Variants in STARD13 observed in about 807,000 individuals in gnomAD.
The protein encoded by STARD13 is StAR related lipid transfer domain containing 13.
Under a neutral mutation model 106.4 loss-of-function variants are expected in STARD13, and 62 were observed. That is an observed-to-expected ratio of 0.58 (90% CI 0.48 to 0.72). The LOEUF (loss-of-function observed/expected upper bound fraction) is 0.72, where lower values mean the gene tolerates loss of function less well. STARD13 is among the 30% of genes least tolerant of loss of function. The probability of loss-of-function intolerance (pLI) is 0.00; values close to 1 mark genes in which losing one functional copy is unlikely to be tolerated. For synonymous variants in STARD13, 565 were observed against 553.0 expected (o/e 1.02, Z -0.31); for missense variants, 1,387 against 1,424.0 (o/e 0.97, Z 0.42).
intron 1 of STARD13, among the ~76,000 whole-genome samples, chr13:33,189,000 T>C (rs1169447039): frequency 1.3e-5 from 2 of 152,218 alleles, no homozygotes; most frequent in Non-Finnish European, 2.9e-5. Flanking sequence ...TTATTGCTTA[T>C]TAGAGCAGAC....
Position 33,318,729 on chromosome 13 carries a change from CA to C in STARD13, c.124+31560del, listed in dbSNP as rs200287775. Among the ~76,000 whole-genome samples, 751 of 148,912 alleles carry C rather than the reference CA, an allele frequency of 5.0e-3. 7 individuals carry two copies. Among genetic ancestry groups the C allele is most frequent in the African/African-American group, 0.017 (702 of 40,564 alleles). ...CTCTTAAAAATCAATGATAAAAAGA[CA>C]AAAAAAAAGTAAGAATGGTCAGAGA... On this transcript the variant is annotated intron_variant, in intron 1 of 5. Transcript: ENST00000567873.
chr13:33,112,212 T>C (rs1228632976), intron 9 of STARD13, among the ~76,000 whole-genome samples: 1 of 152,206 alleles, frequency 6.6e-6, no homozygotes, highest in East Asian at 1.9e-4. Flanking sequence ...TTAAAAATTG[T>C]AAAATACTAC....
At chr13:33,407,093 T>C in the STARD13 span, among the ~76,000 whole-genome samples, 17 of 152,174 alleles carry the variant, frequency 1.1e-4, no homozygotes, top group African/African-American at 3.6e-4. Flanking sequence ...GGGTTCTCAA[T>C]GTAAAAGTTT....
chr13:33,416,539 CA>C, the STARD13 span, among the ~76,000 whole-genome samples: 1 of 152,148 alleles, frequency 6.6e-6, no homozygotes, highest in Non-Finnish European at 1.5e-5. Context: ...GACAAGAACA[CA>C]GGCTATTTTA....
chr13:33,140,162 C>T (rs1311212734), intron 4 of STARD13, among the ~76,000 whole-genome samples: 1 of 152,232 alleles, frequency 6.6e-6, no homozygotes, highest in African/African-American at 2.4e-5. Context: ...GCCCATCTCG[C>T]CTCTGGGTTT....
At chr13:33,420,267 A>G in the STARD13 span, among the ~76,000 whole-genome samples, 1 of 152,244 alleles carries the variant, frequency 6.6e-6, no homozygotes, top group African/African-American at 2.4e-5. Flanking sequence ...AAGATCTATC[A>G]AGCAAATGGA....
intron 4 of STARD13, among the ~76,000 whole-genome samples, chr13:33,134,845 T>A (rs964031429): frequency 6.6e-6 from 1 of 152,208 alleles, no homozygotes. Flanking sequence ...TACAGGATCT[T>A]CAGGATAAAA....
the STARD13 span, among the ~76,000 whole-genome samples, chr13:33,367,545 A>G: frequency 6.6e-6 from 1 of 152,186 alleles, no homozygotes; most frequent in Non-Finnish European, 1.5e-5. Flanking sequence ...AAACAACAAT[A>G]AAACATACCT....
intron 1 of STARD13, among the ~76,000 whole-genome samples, chr13:33,247,105 G>A (rs1889861305): frequency 1.3e-5 from 2 of 152,116 alleles, no homozygotes; most frequent in South Asian, 2.1e-4. Context: ...GCTGAGGCAG[G>A]AGAATGGCTT....
the STARD13 span, among the ~76,000 whole-genome samples, chr13:33,629,972 C>G: frequency 6.6e-6 from 1 of 152,136 alleles, no homozygotes; most frequent in East Asian, 1.9e-4. Flanking sequence ...ATAAAATGCA[C>G]GTCAAAGGCA....
the STARD13 span, among the ~76,000 whole-genome samples, chr13:33,670,583 G>T: frequency 3.9e-5 from 6 of 152,116 alleles, no homozygotes; most frequent in African/African-American, 1.4e-4. Flanking sequence ...AACCTGTTAA[G>T]ATCTGTTTTT....
At chr13:33,491,870 C>A in the STARD13 span, among the ~76,000 whole-genome samples, 5 of 152,270 alleles carry the variant, frequency 3.3e-5, no homozygotes, top group East Asian at 9.6e-4. Context: ...TTTTCACTCG[C>A]GTCCATGTGA....
chr13:33,252,835 G>A lies in STARD13; in HGVS notation c.169+32635C>T, dbSNP rs75423817. ...GTTTTACAGTGCCAGTAGGTGGTAC[G>A]ACGAGGGTTGTAAAGGATGAAAATG... On this transcript the variant is annotated intron_variant, in intron 1 of 13. Transcript: ENST00000336934. Among the ~76,000 whole-genome samples the A allele has an allele frequency of 6.9e-3, 1,053 of 152,286 alleles. 15 individuals carry two copies. Among genetic ancestry groups the A allele is most frequent in the African/African-American group, 0.024 (1,009 of 41,550 alleles).
At chr13:33,587,347 G>A in the STARD13 span, among the ~76,000 whole-genome samples, 1 of 152,102 alleles carries the variant, frequency 6.6e-6, no homozygotes, top group Admixed American at 6.5e-5. Context: ...CTAGGAGCCA[G>A]ACATTAAGGA....
chr13:33,495,697 A>C, the STARD13 span, among the ~76,000 whole-genome samples: 1 of 151,474 alleles, frequency 6.6e-6, no homozygotes, highest in Non-Finnish European at 1.5e-5. Flanking sequence ...TCTGTTTTCC[A>C]TGCCTCTTTT....
At chr13:33,144,476 A>G (rs572475160) in intron 3 of STARD13, among the ~76,000 whole-genome samples, 1 of 152,316 alleles carries the variant, frequency 6.6e-6, no homozygotes, top group Admixed American at 6.5e-5. Context: ...AAAACTTTAC[A>G]CTGAAACCAG....
At chr13:33,306,191 A>T (rs1324054028) in intron 1 of STARD13, among the ~76,000 whole-genome samples, 3 of 152,222 alleles carry the variant, frequency 2.0e-5, no homozygotes, top group Non-Finnish European at 4.4e-5. Context: ...CAACCATATG[A>T]TCTTCAACAA....
chr13:33,576,502 G>T, the STARD13 span, among the ~76,000 whole-genome samples: 1 of 151,928 alleles, frequency 6.6e-6, no homozygotes, highest in African/African-American at 2.4e-5. Flanking sequence ...CCAAAGTGTT[G>T]GGATTACAGG....
the STARD13 span, among the ~76,000 whole-genome samples, chr13:33,361,651 C>G: frequency 6.6e-6 from 1 of 152,156 alleles, no homozygotes; most frequent in Non-Finnish European, 1.5e-5. Context: ...AGGGAACTTA[C>G]AATTATGGCA....
Sources: gnomAD v4.1 joint callset for allele counts (sites outside exome capture counted in the v4.1 genomes callset) on GRCh38, gnomAD v4.1.1 for gene constraint, MANE v1.5 for transcripts, NCBI Gene and HGNC (gene_info 2026-07-23, HGNC 2026-07-21) for gene names.